Variants in CAMKK2 observed in about 807,000 individuals in gnomAD.
CAMKK2 encodes the protein calcium/calmodulin-dependent protein kinase kinase 2.
Under a neutral mutation model 67.2 loss-of-function variants are expected in CAMKK2, and 30 were observed. The ratio of observed to expected loss-of-function variants is 0.45; its 90% CI spans 0.33 to 0.61. The LOEUF (loss-of-function observed/expected upper bound fraction) is 0.61. Among genes scored for constraint, CAMKK2 ranks in the 20% least tolerant of loss-of-function variants. CAMKK2 has a pLI of 0.02. For missense variants in CAMKK2, 643 were observed against 802.0 expected (o/e 0.80, Z 2.39); for synonymous variants, 322 against 326.2 (o/e 0.99, Z 0.14).
At chr12:121,275,737 C>G (rs1161346364) in intron 1 of CAMKK2, among the ~76,000 whole-genome samples, 1 of 151,954 alleles carries the variant, frequency 6.6e-6, no homozygotes, top group African/African-American at 2.4e-5. Flanking sequence ...CACAGGTTTT[C>G]CTTTTGGGGT....
At chr12:121,244,551 G>A (rs200503736) in intron 16 of CAMKK2, 22 bp downstream of exon 16, 61 of 1,556,536 alleles carry the variant, frequency 3.9e-5, no homozygotes, top group South Asian at 3.6e-4. Context: ...CAGAGGCTAC[G>A]GCACAGGCAG....
Position 121,240,047 on chromosome 12 carries a change from GA to G in CAMKK2, c.*651del. On this transcript the variant is annotated 3_prime_UTR_variant, in exon 17 of 17. Transcript: ENST00000404169. This position sits in a 1 kb window ranked among gnomAD's most constrained non-coding sequence, Gnocchi z 4.4. ...GCTGCTGAATACCCTTCCAGGCTTG[GA>G]AAATCCCCTTCCAGCAGCACTTATT... 1 of 179,924 alleles carries G rather than the reference GA, an allele frequency of 5.6e-6. No individual in the cohort carries two copies. Among genetic ancestry groups the G allele is most frequent in the Non-Finnish European group, 1.2e-5 (1 of 84,134 alleles). 11.1% of individuals were successfully genotyped at this position (179,924 alleles called of 1,614,324 possible).
chr12:121,267,603 C>T (rs531064863), intron 5 of CAMKK2, among the ~76,000 whole-genome samples: 171 of 152,040 alleles, frequency 1.1e-3, no homozygotes, highest in South Asian at 4.4e-3. Context: ...TGCAATTCTC[C>T]TGCCTCAGCC....
chr12:121,247,365 T>C (rs1470871730), intron 14 of CAMKK2, among the ~76,000 whole-genome samples: 1 of 152,194 alleles, frequency 6.6e-6, no homozygotes, highest in Non-Finnish European at 1.5e-5. Flanking sequence ...AACCACTCGG[T>C]GTTCAACAAG....
chr12:121,264,136 C>T (rs1379339251), intron 5 of CAMKK2, among the ~76,000 whole-genome samples, 197 bp from the exon 6 acceptor site: 1 of 152,120 alleles, frequency 6.6e-6, no homozygotes, highest in African/African-American at 2.4e-5. Flanking sequence ...AGGGCGGAGC[C>T]CTCGGCCGTC....
chr12:121,266,297 C>G (rs932830697), intron 5 of CAMKK2, among the ~76,000 whole-genome samples: 2 of 152,184 alleles, frequency 1.3e-5, no homozygotes, highest in African/African-American at 4.8e-5. Context: ...GCCACCCAGT[C>G]TCTCGTACGT....
chr12:121,270,327 G>A (rs548528918), intron 3 of CAMKK2, among the ~76,000 whole-genome samples: 29 of 150,344 alleles, frequency 1.9e-4, no homozygotes, highest in African/African-American at 6.2e-4. Flanking sequence ...CCGAGATTGC[G>A]CCACTGCGCT....
At chr12:121,283,678 T>C (rs1898202619) in intron 1 of CAMKK2, among the ~76,000 whole-genome samples, 1 of 152,106 alleles carries the variant, frequency 6.6e-6, no homozygotes, top group African/African-American at 2.4e-5. Flanking sequence ...TAGTTGGGCA[T>C]GGTACTCACA....
Position 121,253,489 on chromosome 12 carries a change from A to G in CAMKK2, c.908-17T>C. ...GGTAGTGTACTGGGGAGGCGTAGAC[A>G]GCAGGTGGGAGATAGGGGCAGGAAA... is the stretch of plus-strand genomic sequence containing the variant. On this transcript the variant is annotated splice_polypyrimidine_tract_variant and intron_variant, in intron 9 of 16. Coordinates refer to ENST00000404169, the MANE Select transcript of CAMKK2 (RefSeq NM_001270485.2). The surrounding 1 kb of genome is among the most constrained non-coding windows in gnomAD (Gnocchi z 5.0). 1 of 1,611,776 alleles carries G rather than the reference A, an allele frequency of 6.2e-7. No individual in the cohort carries two copies. The highest frequency in any genetic ancestry group is 8.5e-7 in the Non-Finnish European group (1 of 1,177,900).
At position 121,253,592 on chromosome 12, in the gene CAMKK2, G is replaced by C; in HGVS notation, c.908-120C>G. On this transcript the variant is annotated intron_variant, in intron 9 of 16. Coordinates refer to ENST00000404169, the MANE Select transcript of CAMKK2 (RefSeq NM_001270485.2). This position sits in a 1 kb window ranked among gnomAD's most constrained non-coding sequence, Gnocchi z 5.0. The stretch of plus-strand genomic sequence containing the variant: ...CCCCTCTGATGCCTTGTCTCCCACA[G>C]CCCCAGGCCTTTTCCAACCTTCCAC... 1.2e-6 allele frequency: 1 copy of C among 827,526 alleles called. No individual in the cohort carries two copies. Among genetic ancestry groups the C allele is most frequent in the Admixed American group, 2.0e-5 (1 of 49,598 alleles). The allele number at this position is 827,526 out of a possible 1,614,324, so 51.3% of individuals were successfully genotyped here.
Position 121,274,489 on chromosome 12 carries a change from C to T in CAMKK2, c.38G>A (p.Arg13Gln), listed in dbSNP as rs550638648. 8 of 1,612,494 alleles carry T rather than the reference C, an allele frequency of 5.0e-6. No homozygotes were observed. The East Asian group carries it at 1.1e-4, about 22-fold the overall frequency. The change falls in exon 2 of 17, where the codon CGG becomes CAG. Residue 13 changes from arginine (R) to glutamine (Q), a missense_variant. Around this residue, in one of 3 missense-constraint regions of CAMKK2, gnomAD observed 483 missense variants for 625.8 expected, o/e 0.77. Coordinates refer to ENST00000404169, the MANE Select transcript of CAMKK2 (RefSeq NM_001270485.2). Reference protein sequence around the residue: ...SCVSSQPSSNRAAPQDELGGR... With the variant: ...SCVSSQPSSNQAAPQDELGGR... ...CCCCAGCTCATCCTGGGGGGCGGCC[C>T]GGTTGCTGCTGGGCTGGCTAGAGAC...
rs56000497 is a variant in CAMKK2, at chr12:121,248,699, C to T, written c.1359G>A (p.Pro453=). ...TGCAGTTCTCATCCTCCGACGGCAACGGCTCCGCCCCATGCCTCGTGACCC... is the reference window on the plus strand; with the variant it reads ...TGCAGTTCTCATCCTCCGACGGCAATGGCTCCGCCCCATGCCTCGTGACCC... The part of the protein sequence containing the change: ...HPWVTRHGAE[P]LPSEDENCTL... The change falls in exon 14 of 17, where the codon CCG becomes CCA. Residue 453 remains proline, a synonymous_variant. Transcript: ENST00000404169. 274 of 1,614,050 alleles carry T rather than the reference C, an allele frequency of 1.7e-4. No homozygotes were observed. The highest frequency in any genetic ancestry group is 2.1e-4 in the Non-Finnish European group (251 of 1,180,010).
At chr12:121,249,908 G>A (rs202147623) in intron 12 of CAMKK2, 34 bp from the exon 13 acceptor site, 18 of 1,612,462 alleles carry the variant, frequency 1.1e-5, no homozygotes, top group African/African-American at 2.7e-5. Flanking sequence ...TGGCAGACAC[G>A]GGACCGCCAA....
At chr12:121,267,789 C>T (rs766430630) in intron 5 of CAMKK2, among the ~76,000 whole-genome samples, 13 of 151,934 alleles carry the variant, frequency 8.6e-5, no homozygotes, top group Admixed American at 7.9e-4. Context: ...CCACCGTGCC[C>T]GGCCAACTGC....
intron 11 of CAMKK2, among the ~76,000 whole-genome samples, chr12:121,251,395 G>C (rs1382544397): frequency 2.0e-5 from 3 of 152,154 alleles, no homozygotes; most frequent in African/African-American, 7.2e-5. Flanking sequence ...CAAATATTGA[G>C]AGGCAATCGG....
At chr12:121,259,942 G>T (rs1035511964) in intron 7 of CAMKK2, among the ~76,000 whole-genome samples, 1 of 152,124 alleles carries the variant, frequency 6.6e-6, no homozygotes, top group African/African-American at 2.4e-5. Flanking sequence ...AATTAGCTGG[G>T]TATGGTGGCC....
At chr12:121,243,968 A>G (rs199868940) in intron 16 of CAMKK2, 13 of 1,483,088 alleles carry the variant, frequency 8.8e-6, no homozygotes, top group Non-Finnish European at 6.3e-6. Context: ...TCCCAGTCTC[A>G]TAAGGACACA....
intron 1 of CAMKK2, among the ~76,000 whole-genome samples, chr12:121,279,833 A>G (rs541110745): frequency 2.0e-5 from 3 of 152,204 alleles, no homozygotes; most frequent in Admixed American, 2.0e-4. Flanking sequence ...AGGATGAGGG[A>G]AACGCTCCTT....
rs202000996 is a variant in CAMKK2 at position 121,238,377 on chromosome 12, C to T, written c.*2322G>A. 1 of 152,526 alleles carries T rather than the reference C, an allele frequency of 6.6e-6. No individual in the cohort carries two copies. The highest frequency in any genetic ancestry group is 1.5e-5 in the Non-Finnish European group (1 of 68,054). The allele number at this position is 152,526 out of a possible 1,614,324, so 9.4% of individuals were successfully genotyped here. A position where few individuals can be genotyped will look rare whatever the true frequency, so the allele number is the denominator to read the frequency against. On this transcript the variant is annotated 3_prime_UTR_variant, in exon 17 of 17. Coordinates refer to ENST00000404169, the MANE Select transcript of CAMKK2 (RefSeq NM_001270485.2). Reference sequence around the variant, plus strand: ...TAGCAATGGAAGAAATTATGGGCGTCCTCTTTGCCCACTGGAAGAGCTGCT... The same window carrying T: ...TAGCAATGGAAGAAATTATGGGCGTTCTCTTTGCCCACTGGAAGAGCTGCT...
Sources: allele counts gnomAD v4.1 joint callset (sites outside exome capture counted in the v4.1 genomes callset), GRCh38; gene constraint gnomAD v4.1.1; regional missense constraint gnomAD v4.1.1; non-coding constraint Gnocchi (gnomAD v3.1); transcripts MANE v1.5; gene names NCBI Gene and HGNC (gene_info 2026-07-23, HGNC 2026-07-21).